ANO9: variants seen among roughly 807,000 people sequenced by gnomAD.
ANO9 encodes the protein anoctamin 9.
ANO9 carries 80 observed loss-of-function variants against 100.5 expected under a neutral mutation model. The ratio of observed to expected loss-of-function variants is 0.80; its 90% CI spans 0.66 to 0.96. The LOEUF is 0.96. ANO9 is among the 40% of genes least tolerant of loss of function. The pLI is 0.00. For missense variants in ANO9, 1,064 were observed against 1,072.7 expected (o/e 0.99, Z 0.11); for synonymous variants, 473 against 435.6 (o/e 1.09, Z -1.07).
intron 1 of ANO9, among the ~76,000 whole-genome samples, chr11:436,658 T>G: frequency 7.1e-6 from 1 of 139,980 alleles, no homozygotes; most frequent in Non-Finnish European, 1.6e-5. Context: ...GAGCAGGGGG[T>G]GAGCAGGGAG....
intron 1 of ANO9, among the ~76,000 whole-genome samples, chr11:439,530 G>A (rs1371978450): frequency 2.6e-5 from 4 of 152,000 alleles, no homozygotes; most frequent in Non-Finnish European, 5.9e-5. Flanking sequence ...GAGCAGGCCT[G>A]GCCAGGGGGT....
chr11:433,568 G>GCCTCAGAACCCTTCCCCCTCTATTCCA (rs1849208409), intron 3 of ANO9, 109 bp from the exon 4 acceptor site: 5 of 1,473,750 alleles, frequency 3.4e-6, no homozygotes, highest in Non-Finnish European at 4.6e-6. Flanking sequence ...CCTCTATTCC[G>GCCTCAGAACCCTTCCCCCTCTATTCCA]CCTCAGAACC....
Position 421,292 on chromosome 11 carries a change from G to C in ANO9, c.1335-94C>G. ...GACAGAAGCGGGTAGGAAAGACACA[G>C]AACAGGCGGGGCAGGCCCTGCAGGT... On this transcript the variant is annotated intron_variant, in intron 15 of 22. Transcript: ENST00000332826. The surrounding 1 kb of genome is among the most constrained non-coding windows in gnomAD (Gnocchi z 6.8). 7.5e-7 allele frequency: 1 copy of C among 1,330,050 alleles called. No individual in the cohort carries two copies. The highest frequency in any genetic ancestry group is 2.6e-5 in the East Asian group (1 of 38,786). The allele number at this position is 1,330,050 out of a possible 1,614,324, so 82.4% of individuals were successfully genotyped here.
intron 1 of ANO9, among the ~76,000 whole-genome samples, chr11:438,870 A>G (rs893216791): frequency 6.6e-6 from 1 of 152,122 alleles, no homozygotes; most frequent in Admixed American, 6.5e-5. Flanking sequence ...CCTCCGGGAA[A>G]CTATGTATGG....
chr11:429,716 G>T, intron 10 of ANO9, 42 bp downstream of exon 10: 2 of 1,612,052 alleles, frequency 1.2e-6, no homozygotes, highest in Non-Finnish European at 8.5e-7. Context: ...GCTTGGGCTG[G>T]CACTTCCCCT....
intron 1 of ANO9, among the ~76,000 whole-genome samples, chr11:436,919 GGGTGAGCAGGA>G (rs1348597865): frequency 6.7e-5 from 1 of 14,880 alleles, no homozygotes; most frequent in Admixed American, 4.1e-4. Flanking sequence ...GGTGAGCGGG[GGGTGAGCAGGA>G]GGTGAGCAGG....
At chr11:429,864 G>A (rs1470089064) in intron 9 of ANO9, 46 bp from the exon 10 acceptor site, 9 of 1,526,766 alleles carry the variant, frequency 5.9e-6, no homozygotes, top group Non-Finnish European at 7.1e-6. Context: ...GTGAGCTGGG[G>A]AGGGGGGCAG....
intron 1 of ANO9, among the ~76,000 whole-genome samples, chr11:435,830 T>C (rs1439279767): frequency 4.3e-5 from 5 of 115,642 alleles, no homozygotes; most frequent in Non-Finnish European, 9.6e-5. Context: ...CATAACATAA[T>C]ACGGTATAGT....
chr11:424,918 G>A (rs1314367589), intron 15 of ANO9, among the ~76,000 whole-genome samples: 1 of 151,946 alleles, frequency 6.6e-6, no homozygotes, highest in Non-Finnish European at 1.5e-5. Flanking sequence ...GATGTTACAA[G>A]GAGGAGACAT....
In ANO9 at chr11:430,347, T is replaced by C. The variant is rs1406615677; in HGVS notation, c.596A>G (p.Tyr199Cys). Reference sequence around the variant, plus strand: ...CGTCAGGGCGGCCGGCACCAGCATGTAGGTGTACCAGCCCAGCCAGACGAA... The same window carrying C: ...CGTCAGGGCGGCCGGCACCAGCATGCAGGTGTACCAGCCCAGCCAGACGAA... The part of the protein sequence containing the change: ...LYFVWLGWYT[Y>C]MLVPAALTGL... The change falls in exon 8 of 23, where the codon TAC (tyrosine) becomes TGC (cysteine). Residue 199 changes from tyrosine to cysteine, a missense_variant. By Grantham distance (194) the Tyr-to-Cys change is radical. Coordinates refer to ENST00000332826, the MANE Select transcript of ANO9 (RefSeq NM_001012302.3). The C allele has an allele frequency of 6.2e-7, 1 of 1,608,920 alleles. No individual in the cohort carries two copies. The highest frequency in any genetic ancestry group is 2.2e-5 in the East Asian group (1 of 44,652).
rs926030889 is a variant in ANO9, at chr11:420,247, G to A, written c.1786+216C>T. The A allele has an allele frequency of 5.6e-6, 8 of 1,424,598 alleles. No homozygotes were observed. The South Asian group carries it at 1.2e-4, about 21-fold the overall frequency. 88.2% of individuals were successfully genotyped at this position (1,424,598 alleles called of 1,614,324 possible). A position where few individuals can be genotyped will look rare whatever the true frequency, so the allele number is the denominator to read the frequency against. Reference sequence around the variant, plus strand: ...AGCCCCTCTGAGATCCTGACGGTTTGTGGGAGGAGCCTACAAAGCGCTCGG... The same window carrying A: ...AGCCCCTCTGAGATCCTGACGGTTTATGGGAGGAGCCTACAAAGCGCTCGG... On this transcript the variant is annotated intron_variant, in intron 19 of 22. Transcript: ENST00000332826.
chr11:428,840 C>T lies in ANO9; in HGVS notation c.916-14G>A, dbSNP rs763724228. ...TGCCATTTCCTCCTGGGGAGAGCAC[C>T]GGGCAAGCCTCAGACAAGGGACACT... On this transcript the variant is annotated splice_polypyrimidine_tract_variant and intron_variant, in intron 11 of 22. Coordinates refer to ENST00000332826, the MANE Select transcript of ANO9 (RefSeq NM_001012302.3). 23 of 1,611,232 alleles carry T rather than the reference C, an allele frequency of 1.4e-5. No homozygotes were observed. Among genetic ancestry groups the T allele is most frequent in the East Asian group, 6.7e-5 (3 of 44,852 alleles).
chr11:422,335 T>C lies in ANO9; in HGVS notation c.1335-1137A>G, dbSNP rs1848245986. On this transcript the variant is annotated intron_variant, in intron 15 of 22. Transcript: ENST00000332826. The surrounding 1 kb of genome is among the most constrained non-coding windows in gnomAD (Gnocchi z 4.3). ...CGCAAAGACGTCCACGTGCTCATTCTTGGAGCCTGTGACCACGTTCTTACC... is the reference window on the plus strand; with the variant it reads ...CGCAAAGACGTCCACGTGCTCATTCCTGGAGCCTGTGACCACGTTCTTACC... Among the ~76,000 whole-genome samples the C allele has an allele frequency of 6.6e-6, 1 of 152,260 alleles. No individual in the cohort carries two copies. Among genetic ancestry groups the C allele is most frequent in the Admixed American group, 6.5e-5 (1 of 15,290 alleles).
intron 15 of ANO9, 37 bp downstream of exon 15, chr11:428,051 G>A (rs767100718): frequency 1.4e-5 from 19 of 1,393,722 alleles, no homozygotes; most frequent in African/African-American, 8.0e-5. Flanking sequence ...ACAAGCCCTC[G>A]TGAGTTGGGT....
At chr11:425,694 TCAC>T (rs34791306) in intron 15 of ANO9, among the ~76,000 whole-genome samples, 120,580 of 151,104 alleles carry the variant, frequency 0.8, 48,384 homozygotes, top group East Asian at 1. Flanking sequence ...ATGCTAGACT[TCAC>T]CAATAGTTTT....
intron 15 of ANO9, among the ~76,000 whole-genome samples, chr11:425,782 A>T (rs1848483786): frequency 2.0e-5 from 3 of 151,474 alleles, no homozygotes; most frequent in East Asian, 3.9e-4. Context: ...CCCAGGCTGG[A>T]GTGCAGTGGC....
At chr11:425,015 G>C (rs11246151) in intron 15 of ANO9, among the ~76,000 whole-genome samples, 2,565 of 129,936 alleles carry the variant, frequency 0.02, 110 homozygotes, top group African/African-American at 0.076. Context: ...CGCGCGGGAG[G>C]AAAAGGCGGC....
At position 418,554 on chromosome 11, in the gene ANO9, C is replaced by T. The variant is rs760425754; in HGVS notation, c.2166G>A (p.Trp722Ter). 4 of 1,613,072 alleles carry T rather than the reference C, an allele frequency of 2.5e-6. No homozygotes were observed. Among genetic ancestry groups the T allele is most frequent in the Non-Finnish European group, 2.5e-6 (3 of 1,180,008 alleles). ...VALCIKLIAA[W>*]FVPDIPQSVK... ...CCGACTGAGGGATGTCGGGCACGAA[C>T]CAGGCGGCGATGAGCTTGATGCACA... The change falls in exon 23 of 23, where the codon TGG becomes TGA. Residue 722 changes from tryptophan (W) to a stop codon, truncating the protein, a stop_gained. Transcript: ENST00000332826. LOFTEE classifies it low-confidence loss of function (END_TRUNC).
intron 15 of ANO9, among the ~76,000 whole-genome samples, chr11:427,443 T>C (rs1848585388): frequency 6.6e-6 from 1 of 152,074 alleles, no homozygotes; most frequent in African/African-American, 2.4e-5. Flanking sequence ...CATATGCACC[T>C]TTTTTTGGCC....
Sources: allele counts gnomAD v4.1 joint callset (sites outside exome capture counted in the v4.1 genomes callset), GRCh38; gene constraint gnomAD v4.1.1; non-coding constraint Gnocchi (gnomAD v3.1); transcripts MANE v1.5; gene names NCBI Gene and HGNC (gene_info 2026-07-23, HGNC 2026-07-21).